EPHB1: variants seen among roughly 807,000 people sequenced by gnomAD.
EPHB1 encodes EPH receptor B1, also known as ephrin type-B receptor 1.
EPHB1 carries 30 observed loss-of-function variants against 94.4 expected under a neutral mutation model. That is an observed-to-expected ratio of 0.32 (90% CI 0.24 to 0.43). The LOEUF (loss-of-function observed/expected upper bound fraction) is 0.43. EPHB1 is among the 20% of genes least tolerant of loss of function. The pLI is 1.00. For missense variants in EPHB1, 1,055 were observed against 1,308.3 expected (o/e 0.81, Z 2.99); for synonymous variants, 522 against 489.1 (o/e 1.07, Z -0.89).
At chr3:135,141,871 C>T (rs950924296) in intron 5 of EPHB1, among the ~76,000 whole-genome samples, 7 of 152,122 alleles carry the variant, frequency 4.6e-5, no homozygotes, top group Non-Finnish European at 7.3e-5. Flanking sequence ...CAGGGAGGGG[C>T]CTGGCCATCT....
intron 1 of EPHB1, among the ~76,000 whole-genome samples, chr3:134,822,258 T>C (rs2036396242): frequency 1.3e-5 from 2 of 152,102 alleles, no homozygotes; most frequent in African/African-American, 4.8e-5. Context: ...TGTTGCTGTG[T>C]CTGAGCGGTG....
chr3:134,859,671 T>G (rs2037204550), intron 1 of EPHB1, among the ~76,000 whole-genome samples: 1 of 152,182 alleles, frequency 6.6e-6, no homozygotes, highest in African/African-American at 2.4e-5. Context: ...GCTGCCCCAT[T>G]AGGACTTTTA....
chr3:135,167,172 G>T (rs558080413), intron 9 of EPHB1, among the ~76,000 whole-genome samples, 166 bp downstream of exon 9: 2 of 152,166 alleles, frequency 1.3e-5, no homozygotes, highest in East Asian at 3.9e-4. Context: ...GGGGCAACAG[G>T]CTACCCTCCC....
intron 3 of EPHB1, among the ~76,000 whole-genome samples, chr3:135,003,865 G>C (rs1490474498): frequency 6.6e-6 from 1 of 152,000 alleles, no homozygotes; most frequent in African/African-American, 2.4e-5. Context: ...CTGCACGTGA[G>C]ATGGGTTTCC....
intron 4 of EPHB1, among the ~76,000 whole-genome samples, chr3:135,128,123 G>A (rs1475503126): frequency 6.6e-6 from 1 of 152,250 alleles, no homozygotes; most frequent in Admixed American, 6.5e-5. Flanking sequence ...TAGACGGGGA[G>A]ACCACGGTGC....
chr3:134,904,033 G>A (rs1263906024), intron 1 of EPHB1, among the ~76,000 whole-genome samples: 1 of 152,188 alleles, frequency 6.6e-6, no homozygotes, highest in Non-Finnish European at 1.5e-5. Flanking sequence ...GGCCTTTTCA[G>A]GAGGGTGTGT....
chr3:135,059,391 A>C (rs1164502176), intron 3 of EPHB1, among the ~76,000 whole-genome samples: 1 of 152,160 alleles, frequency 6.6e-6, no homozygotes, highest in African/African-American at 2.4e-5. Context: ...CTGGCGGCTC[A>C]CCCCATTACA....
chr3:134,927,241 A>G (rs2038812986), intron 2 of EPHB1, among the ~76,000 whole-genome samples: 1 of 152,258 alleles, frequency 6.6e-6, no homozygotes, highest in Admixed American at 6.5e-5. Context: ...TTTGGGTCAC[A>G]GGGCAGACAG....
chr3:135,141,804 G>A (rs1940840144), intron 5 of EPHB1, among the ~76,000 whole-genome samples: 1 of 152,058 alleles, frequency 6.6e-6, no homozygotes, highest in Admixed American at 6.5e-5. Context: ...GTGGCATTGA[G>A]CCTGGTGCTG....
intron 1 of EPHB1, among the ~76,000 whole-genome samples, chr3:134,801,587 C>T (rs942915995): frequency 1.3e-5 from 2 of 152,180 alleles, no homozygotes; most frequent in Non-Finnish European, 2.9e-5. Flanking sequence ...TCCATGTCTC[C>T]AAAGATGGTG....
chr3:134,800,912 A>G (rs1448046851), intron 1 of EPHB1, among the ~76,000 whole-genome samples: 1 of 152,252 alleles, frequency 6.6e-6, no homozygotes, highest in Non-Finnish European at 1.5e-5. Flanking sequence ...ATAAGGTCAC[A>G]CAGCTAGTAA....
At chr3:135,111,281 G>T (rs1036421110) in intron 4 of EPHB1, among the ~76,000 whole-genome samples, 1 of 152,186 alleles carries the variant, frequency 6.6e-6, no homozygotes, top group Admixed American at 6.5e-5. Flanking sequence ...GCCCCAACCC[G>T]GAGCCACTGA....
At chr3:134,822,661 G>A (rs1159122641) in intron 1 of EPHB1, among the ~76,000 whole-genome samples, 1 of 152,166 alleles carries the variant, frequency 6.6e-6, no homozygotes, top group Non-Finnish European at 1.5e-5. Context: ...CTGCACCAAA[G>A]TGCTTTCTGT....
At chr3:135,110,253 G>T (rs947120067) in intron 4 of EPHB1, among the ~76,000 whole-genome samples, 2 of 152,146 alleles carry the variant, frequency 1.3e-5, no homozygotes, top group African/African-American at 4.8e-5. Flanking sequence ...TGCTTGCCTT[G>T]TTTCTTTTAT....
chr3:135,244,430 T>C (rs1943871240), intron 13 of EPHB1, among the ~76,000 whole-genome samples: 1 of 152,186 alleles, frequency 6.6e-6, no homozygotes, highest in African/African-American at 2.4e-5. Context: ...TCTTCAATCT[T>C]CTCAATAGCC....
intron 3 of EPHB1, among the ~76,000 whole-genome samples, chr3:134,991,768 C>T (rs1337392266): frequency 6.6e-6 from 1 of 152,186 alleles, no homozygotes; most frequent in Non-Finnish European, 1.5e-5. Flanking sequence ...ATTGCACCTC[C>T]CTTTCTTCCC....
intron 1 of EPHB1, among the ~76,000 whole-genome samples, chr3:134,854,578 G>A (rs184685917): frequency 8.9e-4 from 136 of 152,206 alleles, no homozygotes; most frequent in Non-Finnish European, 1.7e-3. Context: ...TCTCCATGGG[G>A]CCCCATGGGA....
At chr3:134,941,132 G>A (rs546211579) in intron 2 of EPHB1, among the ~76,000 whole-genome samples, 4 of 152,314 alleles carry the variant, frequency 2.6e-5, no homozygotes, top group Admixed American at 6.5e-5. Flanking sequence ...TTAGAGGAGC[G>A]GGCCTGGTGT....
chr3:135,139,356 G>T (rs1940734754), intron 5 of EPHB1, among the ~76,000 whole-genome samples: 1 of 152,224 alleles, frequency 6.6e-6, no homozygotes, highest in Non-Finnish European at 1.5e-5. Flanking sequence ...GGATTGGTTT[G>T]TTTGGGCATT....
Sources: allele counts gnomAD v4.1 joint callset (sites outside exome capture counted in the v4.1 genomes callset), GRCh38; gene constraint gnomAD v4.1.1; transcripts MANE v1.5; gene names NCBI Gene and HGNC (gene_info 2026-07-23, HGNC 2026-07-21).